The following FYCO1 variants were observed in gnomAD, a reference collection of about 807,000 sequenced individuals.
The protein encoded by FYCO1 is FYVE and coiled-coil domain autophagy adaptor 1.
Under a neutral mutation model 165.1 loss-of-function variants are expected in FYCO1, and 122 were observed. The observed-to-expected ratio is 0.74, with a 90% confidence interval of 0.64 to 0.86. FYCO1 has a LOEUF of 0.86. Among genes scored for constraint, FYCO1 ranks in the 40% least tolerant of loss-of-function variants. The pLI, the probability that FYCO1 is intolerant of heterozygous loss-of-function variation, is 0.00. For synonymous variants in FYCO1, 648 were observed against 742.5 expected (o/e 0.87, Z 2.07); for missense variants, 1,702 against 1,810.3 (o/e 0.94, Z 1.09).
intron 6 of FYCO1, among the ~76,000 whole-genome samples, chr3:45,970,629 A>G (rs1706369167): frequency 6.6e-6 from 1 of 152,282 alleles, no homozygotes; most frequent in East Asian, 1.9e-4. Context: ...CTTGTGGGCT[A>G]TATGGTCTCT....
rs779134447 is a variant in FYCO1, at chr3:45,967,170, G to C, written c.2164C>G (p.Leu722Val). The change falls in exon 8 of 18, where the codon CTG (leucine) becomes GTG (valine). Residue 722 changes from leucine to valine, a missense_variant. Leu to Val is a conservative substitution (Grantham distance 32, BLOSUM62 1). Transcript: ENST00000296137. ...AGCTCTCTGTGCCGGGCTTCTGCCAGTTGCTGGCACTGCTCCACCTCCTCC... is the reference window on the plus strand; with the variant it reads ...AGCTCTCTGTGCCGGGCTTCTGCCACTTGCTGGCACTGCTCCACCTCCTCC... ...LREEVEQCQQ[L>V]AEARHRELRA... 24 of 1,613,290 alleles carry C rather than the reference G, an allele frequency of 1.5e-5. No individual in the cohort carries two copies. Among genetic ancestry groups the C allele is most frequent in the Non-Finnish European group, 1.9e-5 (23 of 1,179,494 alleles).
chr3:45,924,331 C>T (rs1429827689), intron 16 of FYCO1, among the ~76,000 whole-genome samples: 6 of 152,170 alleles, frequency 3.9e-5, no homozygotes. Flanking sequence ...TGGGCCTCAG[C>T]CTCCTATTCA....
intron 14 of FYCO1, among the ~76,000 whole-genome samples, chr3:45,938,951 A>G (rs2125809201): frequency 6.6e-6 from 1 of 152,352 alleles, no homozygotes; most frequent in South Asian, 2.1e-4. Flanking sequence ...AAGCATGACC[A>G]CTAGAGGGCA....
intron 6 of FYCO1, 78 bp from the exon 7 acceptor site, chr3:45,969,843 A>G: frequency 8.2e-7 from 1 of 1,217,326 alleles, no homozygotes. Context: ...GTCACTAGGC[A>G]ACCAGGTGGT....
Position 45,967,460 on chromosome 3 carries a change from A to G in FYCO1, c.1874T>C (p.Leu625Pro). The G allele has an allele frequency of 6.2e-7, 1 of 1,613,634 alleles. No individual in the cohort carries two copies. The change falls in exon 8 of 18, where the codon CTA becomes CCA. Residue 625 changes from leucine (L) to proline (P), a missense_variant. Leu to Pro is a moderately conservative substitution (Grantham distance 98, BLOSUM62 -3). Coordinates refer to ENST00000296137, the MANE Select transcript of FYCO1 (RefSeq NM_024513.4). ...CTGGTTACGCCCGACCACATTCTGT[A>G]GCTCCTTCTCCAGCTCCCTGTTGGC... ...RQANRELEKE[L>P]QNVVGRNQLL...
intron 17 of FYCO1, among the ~76,000 whole-genome samples, chr3:45,922,899 T>C (rs1177027799): frequency 6.6e-6 from 1 of 152,198 alleles, no homozygotes; most frequent in African/African-American, 2.4e-5. Flanking sequence ...CAGTTCTCTC[T>C]AAAGAGCTGG....
In FYCO1 at chr3:45,964,307, G is replaced by A. The variant is rs142863389; in HGVS notation, c.3269+29C>T. 6.3e-5 allele frequency: 96 copies of A among 1,517,242 alleles called. No individual in the cohort carries two copies. Among genetic ancestry groups the A allele is most frequent in the African/African-American group, 3.6e-4 (26 of 73,194 alleles). 94.0% of individuals were successfully genotyped at this position (1,517,242 alleles called of 1,614,324 possible). On this transcript the variant is annotated intron_variant, in intron 10 of 17. Transcript: ENST00000296137. This position sits in a 1 kb window ranked among gnomAD's most constrained non-coding sequence, Gnocchi z 4.1. ...AAACACTCCTTCCCTGAAGACTACC[G>A]ACAGCTACGTAGGTGGACTGTGACT...
At chr3:45,981,722 T>A in intron 2 of FYCO1, 46 bp from the exon 3 acceptor site, 1 of 1,312,844 alleles carries the variant, frequency 7.6e-7, no homozygotes, top group Non-Finnish European at 1.1e-6. Context: ...GTGACTAAAC[T>A]CAGACAGAGA....
rs1703100310 is a variant in FYCO1, at chr3:45,921,730, C to A, written c.*35G>T. On this transcript the variant is annotated 3_prime_UTR_variant, in exon 18 of 18. Coordinates refer to ENST00000296137, the MANE Select transcript of FYCO1 (RefSeq NM_024513.4). Reference sequence around the variant, plus strand: ...TGACAGGTGAGGAAGAGCAGTGTTTCCTGTGGATGAAGTGAAGTTACTGAG... The same window carrying A: ...TGACAGGTGAGGAAGAGCAGTGTTTACTGTGGATGAAGTGAAGTTACTGAG... The A allele has an allele frequency of 7.4e-7, 1 of 1,354,884 alleles. No homozygotes were observed. Among genetic ancestry groups the A allele is most frequent in the Non-Finnish European group, 1.1e-6 (1 of 943,202 alleles). 83.9% of individuals were successfully genotyped at this position (1,354,884 alleles called of 1,614,324 possible).
At chr3:45,971,533 A>G (rs749931041) in intron 6 of FYCO1, among the ~76,000 whole-genome samples, 1 of 152,230 alleles carries the variant, frequency 6.6e-6, no homozygotes, top group Non-Finnish European at 1.5e-5. Context: ...AATGAAACAA[A>G]TCAACACTGT....
chr3:45,927,781 G>A (rs1703393616), intron 16 of FYCO1, among the ~76,000 whole-genome samples: 1 of 152,220 alleles, frequency 6.6e-6, no homozygotes, highest in Admixed American at 6.5e-5. Context: ...CAGCAGGGGT[G>A]TATGGGAAGG....
chr3:45,922,023 G>A (rs768695886), intron 17 of FYCO1, among the ~76,000 whole-genome samples, 183 bp from the exon 18 acceptor site: 7 of 152,150 alleles, frequency 4.6e-5, no homozygotes, highest in Non-Finnish European at 7.3e-5. Context: ...AGAGGGTTTC[G>A]GGACATCACT....
rs577500111 is a variant in FYCO1 at position 45,993,074 on chromosome 3, A to T, written c.-113+2648T>A. ...AGATCAGCCCTTGGGTCCCAGCCAC[A>T]GGGCCACAATACTATACCCAAACCA... On this transcript the variant is annotated intron_variant, in intron 1 of 17. Coordinates refer to ENST00000296137, the MANE Select transcript of FYCO1 (RefSeq NM_024513.4). This position sits in a 1 kb window ranked among gnomAD's most constrained non-coding sequence, Gnocchi z 4.4. Among the ~76,000 whole-genome samples the T allele has an allele frequency of 9.8e-4, 150 of 152,314 alleles. 1 individual carries two copies. Among genetic ancestry groups the T allele is most frequent in the Non-Finnish European group, 1.6e-3 (106 of 68,028 alleles).
Position 45,946,591 on chromosome 3 carries a change from T to G in FYCO1, c.3944+8658A>C. On this transcript the variant is annotated intron_variant, in intron 14 of 17. Coordinates refer to ENST00000296137, the MANE Select transcript of FYCO1 (RefSeq NM_024513.4). ...TTCAGCAAGGTCTTTCTGCCCTGCA[T>G]GTACCTGGTGGTGTTTGTCTGTGGT... 1.2e-6 allele frequency: 2 copies of G among 1,614,218 alleles called. No individual in the cohort carries two copies. Among genetic ancestry groups the G allele is most frequent in the Non-Finnish European group, 1.7e-6 (2 of 1,180,032 alleles).
rs758138732 is a variant in FYCO1 at position 45,967,663 on chromosome 3, A to T, written c.1671T>A (p.Ala557=). The T allele has an allele frequency of 1.2e-6, 2 of 1,611,534 alleles. No homozygotes were observed. The highest frequency in any genetic ancestry group is 4.5e-5 in the East Asian group (2 of 44,864). ...CTGGCAGTTCTGGGCCAGGCGGCCC[A>T]GCAAGCCGCTCGAGCATACCCACCT... ...SQQVGMLERL[A]GPPGPELPVA... is the part of the protein sequence containing the mutation. Residue 557 remains alanine, a synonymous_variant, in exon 8 of 18, where the codon GCT becomes GCA. Transcript: ENST00000296137.
At chr3:45,988,902 A>ATTT (rs1707441651) in intron 1 of FYCO1, among the ~76,000 whole-genome samples, 1 of 152,212 alleles carries the variant, frequency 6.6e-6, no homozygotes, top group East Asian at 1.9e-4. Flanking sequence ...ACCTGCCCAG[A>ATTT]TGCCCTAAAT....
chr3:45,949,078 G>A (rs781179214), intron 14 of FYCO1, among the ~76,000 whole-genome samples: 10 of 152,126 alleles, frequency 6.6e-5, no homozygotes, highest in African/African-American at 4.8e-5. Context: ...GGTTTGTATC[G>A]TGCCTTCCAG....
chr3:45,949,864 C>G (rs1429591489), intron 14 of FYCO1, among the ~76,000 whole-genome samples: 1 of 152,248 alleles, frequency 6.6e-6, no homozygotes, highest in East Asian at 1.9e-4. Flanking sequence ...TCCTCAGCCA[C>G]TAATTGATCC....
rs1705856757 is a variant in FYCO1 at position 45,964,116 on chromosome 3, T to C, written c.3269+220A>G. 6.6e-6 allele frequency among the ~76,000 whole-genome samples: 1 copy of C among 152,080 alleles called. No individual in the cohort carries two copies. On this transcript the variant is annotated intron_variant, in intron 10 of 17. Coordinates refer to ENST00000296137, the MANE Select transcript of FYCO1 (RefSeq NM_024513.4). This position sits in a 1 kb window ranked among gnomAD's most constrained non-coding sequence, Gnocchi z 4.1. Reference sequence around the variant, plus strand: ...ATATGCACTGCCAGAGAGAAGAAAATTGAGTTAGGAGAAAGGTGCTTTAGC... The same window carrying C: ...ATATGCACTGCCAGAGAGAAGAAAACTGAGTTAGGAGAAAGGTGCTTTAGC...
Sources: allele counts gnomAD v4.1 joint callset (sites outside exome capture counted in the v4.1 genomes callset), GRCh38; gene constraint gnomAD v4.1.1; non-coding constraint Gnocchi (gnomAD v3.1); transcripts MANE v1.5; gene names NCBI Gene and HGNC (gene_info 2026-07-23, HGNC 2026-07-21).